The following PREX1 variants were observed in gnomAD, a reference collection of about 807,000 sequenced individuals.
The protein encoded by PREX1 is phosphatidylinositol 3,4,5-trisphosphate-dependent Rac exchanger 1 protein.
In PREX1, 41 loss-of-function variants were observed where a neutral mutation model predicts 198.3. The ratio of observed to expected loss-of-function variants is 0.21; its 90% CI spans 0.16 to 0.27. PREX1 has a LOEUF of 0.27. Among genes scored for constraint, PREX1 ranks in the 10% least tolerant of loss-of-function variants. PREX1 has a pLI of 1.00. For synonymous variants in PREX1, 843 were observed against 887.2 expected (o/e 0.95, Z 0.89); for missense variants, 1,620 against 2,200.7 (o/e 0.74, Z 5.28).
At chr20:48,770,084 C>T (rs113913941) in intron 1 of PREX1, among the ~76,000 whole-genome samples, 5,116 of 152,286 alleles carry the variant, frequency 0.034, 145 homozygotes, top group African/African-American at 0.076. Context: ...AGAATATGTG[C>T]TATCTTTACC....
At chr20:48,714,227 A>G (rs552008047) in intron 5 of PREX1, among the ~76,000 whole-genome samples, 5 of 152,364 alleles carry the variant, frequency 3.3e-5, no homozygotes, top group East Asian at 1.9e-4. Flanking sequence ...AAAAAAATAG[A>G]TAACGTGAAT....
At chr20:48,701,954 T>C (rs1321732992) in intron 6 of PREX1, among the ~76,000 whole-genome samples, 7 of 152,150 alleles carry the variant, frequency 4.6e-5, no homozygotes, top group Non-Finnish European at 1.0e-4. Context: ...CAGTGGTTCA[T>C]GCCTGTAATC....
intron 5 of PREX1, among the ~76,000 whole-genome samples, chr20:48,718,924 G>A (rs963598678): frequency 1.2e-4 from 19 of 152,210 alleles, no homozygotes; most frequent in African/African-American, 4.6e-4. Flanking sequence ...ATAAGGTCAG[G>A]AGCTAGGATT....
At chr20:48,858,509 C>T in the PREX1 span, among the ~76,000 whole-genome samples, 1 of 152,176 alleles carries the variant, frequency 6.6e-6, no homozygotes, top group African/African-American at 2.4e-5. Flanking sequence ...CTTTCAGGAG[C>T]GAATCAGTCT....
intron 22 of PREX1, 52 bp from the exon 23 acceptor site, chr20:48,651,107 T>G: frequency 1.3e-6 from 2 of 1,596,646 alleles, no homozygotes; most frequent in South Asian, 2.3e-5. Flanking sequence ...GGGAAGATTT[T>G]AAGCGGTTCA....
At chr20:48,732,183 G>C (rs771610395) in intron 4 of PREX1, among the ~76,000 whole-genome samples, 3 of 152,236 alleles carry the variant, frequency 2.0e-5, no homozygotes, top group Non-Finnish European at 4.4e-5. Flanking sequence ...GCTATGAAAA[G>C]CAACAGTCCT....
chr20:48,779,390 G>A (rs752098700), intron 1 of PREX1, among the ~76,000 whole-genome samples: 1 of 152,144 alleles, frequency 6.6e-6, no homozygotes, highest in Non-Finnish European at 1.5e-5. Flanking sequence ...ATACTGCTGT[G>A]GGGAAAGTAA....
rs1156412073 is a variant in PREX1 at position 48,684,616 on chromosome 20, G to A, written c.1335-3281C>T. Reference sequence around the variant, plus strand: ...TGACGGCCCCTGCCAGACACGCCGCGTCATACCTGGTAACCCTGAGCTCCG... The same window carrying A: ...TGACGGCCCCTGCCAGACACGCCGCATCATACCTGGTAACCCTGAGCTCCG... On this transcript the variant is annotated intron_variant, in intron 10 of 39. Transcript: ENST00000371941. The surrounding 1 kb of genome is among the most constrained non-coding windows in gnomAD (Gnocchi z 4.2). Among the ~76,000 whole-genome samples, 6 of 152,244 alleles carry A rather than the reference G, an allele frequency of 3.9e-5. No individual in the cohort carries two copies. Among genetic ancestry groups the A allele is most frequent in the East Asian group, 3.9e-4 (2 of 5,184 alleles).
chr20:48,647,968 C>CA (rs1447320844), intron 25 of PREX1, among the ~76,000 whole-genome samples: 1 of 152,138 alleles, frequency 6.6e-6, no homozygotes, highest in African/African-American at 2.4e-5. Flanking sequence ...TGCAGTGGTG[C>CA]AATCATGGCT....
intron 31 of PREX1, among the ~76,000 whole-genome samples, chr20:48,637,378 C>G (rs951339408): frequency 3.3e-5 from 5 of 152,226 alleles, no homozygotes; most frequent in Non-Finnish European, 4.4e-5. Context: ...ACCTCCTCCC[C>G]CTTCCTCTTC....
chr20:48,653,062 T>A (rs1231071136), intron 20 of PREX1, among the ~76,000 whole-genome samples: 2 of 152,150 alleles, frequency 1.3e-5, no homozygotes, highest in Non-Finnish European at 2.9e-5. Context: ...GTATCCACTT[T>A]CCCAACCCAC....
intron 16 of PREX1, among the ~76,000 whole-genome samples, 161 bp downstream of exon 16, chr20:48,659,758 G>T (rs2089576160): frequency 6.6e-6 from 1 of 152,134 alleles, no homozygotes; most frequent in Non-Finnish European, 1.5e-5. Flanking sequence ...CAGTGATGCA[G>T]CCTGGCTTCT....
At chr20:48,779,317 G>A (rs909700189) in intron 1 of PREX1, among the ~76,000 whole-genome samples, 8 of 152,166 alleles carry the variant, frequency 5.3e-5, no homozygotes, top group East Asian at 1.9e-4. Context: ...CTACTTAAAC[G>A]GCTTTTGAAA....
intron 1 of PREX1, among the ~76,000 whole-genome samples, chr20:48,811,010 G>A (rs918538342): frequency 6.6e-6 from 1 of 152,166 alleles, no homozygotes; most frequent in African/African-American, 2.4e-5. Flanking sequence ...GCTAAATGAA[G>A]ACTGAAGCCC....
At chr20:48,880,909 T>C in the PREX1 span, among the ~76,000 whole-genome samples, 1 of 134,286 alleles carries the variant, frequency 7.4e-6, no homozygotes, top group African/African-American at 2.8e-5. Flanking sequence ...AGAATCCTAG[T>C]AATGATAGCA....
At chr20:48,670,915 G>A (rs1297182985) in intron 14 of PREX1, among the ~76,000 whole-genome samples, 1 of 152,184 alleles carries the variant, frequency 6.6e-6, no homozygotes, top group African/African-American at 2.4e-5. Flanking sequence ...AGTAAAATGG[G>A]AACAACTGCA....
chr20:48,802,729 T>C (rs909058471), intron 1 of PREX1, among the ~76,000 whole-genome samples: 3 of 152,218 alleles, frequency 2.0e-5, no homozygotes, highest in Non-Finnish European at 4.4e-5. Flanking sequence ...TGGCACACAG[T>C]AGGACCTTAG....
At chr20:48,877,292 A>T in the PREX1 span, among the ~76,000 whole-genome samples, 1 of 152,120 alleles carries the variant, frequency 6.6e-6, no homozygotes, top group Non-Finnish European at 1.5e-5. Context: ...AAAGAAAGAA[A>T]AAAAAGTATG....
chr20:48,738,256 G>A (rs6095267), intron 3 of PREX1, among the ~76,000 whole-genome samples: 1 of 152,190 alleles, frequency 6.6e-6, no homozygotes, highest in Non-Finnish European at 1.5e-5. Context: ...TGATTGATTA[G>A]GAATGTCTGC....
Sources: allele counts gnomAD v4.1 joint callset (sites outside exome capture counted in the v4.1 genomes callset), GRCh38; gene constraint gnomAD v4.1.1; non-coding constraint Gnocchi (gnomAD v3.1); transcripts MANE v1.5; gene names NCBI Gene and HGNC (gene_info 2026-07-23, HGNC 2026-07-21).